GATAD1: variants seen among roughly 807,000 people sequenced by gnomAD.
The protein encoded by GATAD1 is GATA zinc finger domain-containing protein 1.
Under a neutral mutation model 26.5 loss-of-function variants are expected in GATAD1, and 12 were observed. That is an observed-to-expected ratio of 0.45 (90% CI 0.29 to 0.73). The LOEUF is 0.73. GATAD1 is among the 30% of genes least tolerant of loss of function. GATAD1 has a pLI of 0.10. For synonymous variants in GATAD1, 129 were observed against 133.1 expected (o/e 0.97, Z 0.21); for missense variants, 266 against 342.1 (o/e 0.78, Z 1.75).
Position 92,459,641 on chromosome 7 carries a change from G to T in GATAD1, c.*3079G>T, listed in dbSNP as rs1307396349. 6.6e-6 allele frequency among the ~76,000 whole-genome samples: 1 copy of T among 152,132 alleles called. No homozygotes were observed. Among genetic ancestry groups the T allele is most frequent in the Non-Finnish European group, 1.5e-5 (1 of 68,014 alleles). On this transcript the variant is annotated 3_prime_UTR_variant, in exon 5 of 5. Transcript: ENST00000287957. ...TAACACCTTCGGATTCTTTCTTTGA[G>T]AACTTTCCAGATTCCCATGCCTTTT... is the stretch of plus-strand genomic sequence containing the variant.
chr7:92,452,129 A>G lies in GATAD1; in HGVS notation c.435+1369A>G, dbSNP rs1264250560. ...TATCACATCTTCGTATTTGTGCATT[A>G]CCTTCACAGTTTACAGATTAAGGCC... On this transcript the variant is annotated intron_variant, in intron 3 of 4. Coordinates refer to ENST00000287957, the MANE Select transcript of GATAD1 (RefSeq NM_021167.5). Among the ~76,000 whole-genome samples, 4 of 152,342 alleles carry G rather than the reference A, an allele frequency of 2.6e-5. No homozygotes were observed. The East Asian group carries it at 7.7e-4, about 29-fold the overall frequency.
chr7:92,447,558 C>A lies in GATAD1; in HGVS notation c.-172C>A. 1.2e-6 allele frequency: 1 copy of A among 839,756 alleles called. No homozygotes were observed. The allele number at this position is 839,756 out of a possible 1,614,324, so 52.0% of individuals were successfully genotyped here. On this transcript the variant is annotated 5_prime_UTR_variant, in exon 1 of 5. Coordinates refer to ENST00000287957, the MANE Select transcript of GATAD1 (RefSeq NM_021167.5). ...CCTGCGGAGCCGGCGGAACCCGCTT[C>A]CCGCCTCCACGGGGCAGCGCCAGCG...
chr7:92,450,622 A>G (rs1789385550), intron 2 of GATAD1, 79 bp from the exon 3 acceptor site: 3 of 837,238 alleles, frequency 3.6e-6, no homozygotes, highest in East Asian at 5.0e-5. Flanking sequence ...CTCAAATTGC[A>G]GAACTCTCAT....
At chr7:92,453,205 C>G (rs962704814) in intron 3 of GATAD1, among the ~76,000 whole-genome samples, 2 of 152,238 alleles carry the variant, frequency 1.3e-5, no homozygotes, top group Non-Finnish European at 2.9e-5. Context: ...GGTACACATT[C>G]CTACAGCTTT....
the GATAD1 span, chr7:92,469,631 A>T: frequency 1.3e-6 from 1 of 764,540 alleles, no homozygotes; most frequent in Non-Finnish European, 2.4e-6. Flanking sequence ...CACCTGATGC[A>T]TTGGGAGTTG....
the GATAD1 span, chr7:92,487,505 A>AT: frequency 8.8e-6 from 14 of 1,594,678 alleles, no homozygotes; most frequent in South Asian, 4.5e-5. Context: ...TTCCACTTTG[A>AT]TTTTTTCTCC....
chr7:92,473,754 G>A, the GATAD1 span, among the ~76,000 whole-genome samples: 9 of 151,840 alleles, frequency 5.9e-5, no homozygotes, highest in Admixed American at 2.6e-4. Flanking sequence ...ACAGTTGTCC[G>A]GGACAGAAGA....
the GATAD1 span, among the ~76,000 whole-genome samples, chr7:92,479,505 T>C: frequency 6.6e-6 from 1 of 152,214 alleles, no homozygotes; most frequent in Admixed American, 6.5e-5. Flanking sequence ...ACTTCTTTTG[T>C]GATTCTTCAG....
chr7:92,486,585 C>G, the GATAD1 span, among the ~76,000 whole-genome samples: 1 of 152,124 alleles, frequency 6.6e-6, no homozygotes, highest in Non-Finnish European at 1.5e-5. Context: ...GGTTTAGAAC[C>G]TTGAACCTCC....
intron 4 of GATAD1, among the ~76,000 whole-genome samples, chr7:92,454,932 C>T (rs1285594618): frequency 2.0e-5 from 3 of 152,172 alleles, no homozygotes; most frequent in South Asian, 2.1e-4. Flanking sequence ...TGTGTCCTCA[C>T]ATGGCCTTTC....
intron 3 of GATAD1, chr7:92,454,252 T>C: frequency 2.4e-6 from 1 of 416,244 alleles, no homozygotes; most frequent in Non-Finnish European, 4.2e-6. Context: ...AAAATCAAAA[T>C]ACTTTATGAA....
At chr7:92,481,715 G>C in the GATAD1 span, among the ~76,000 whole-genome samples, 1 of 152,198 alleles carries the variant, frequency 6.6e-6, no homozygotes, top group African/African-American at 2.4e-5. Context: ...AAAGGATTTA[G>C]AATCTATGGG....
chr7:92,492,300 T>C, the GATAD1 span, among the ~76,000 whole-genome samples: 1 of 152,150 alleles, frequency 6.6e-6, no homozygotes. Flanking sequence ...TGTGCCACCA[T>C]GCCCAGCTAA....
the GATAD1 span, chr7:92,491,098 T>G: frequency 1.7e-6 from 1 of 583,022 alleles, no homozygotes; most frequent in South Asian, 2.0e-5. Flanking sequence ...CTTGAAAATC[T>G]TAACAAGGAA....
At chr7:92,468,356 C>G in the GATAD1 span, 1 of 170,380 alleles carries the variant, frequency 5.9e-6, no homozygotes, top group South Asian at 1.6e-4. Context: ...CAGCTCAAGC[C>G]GTAAGAAACA....
chr7:92,482,429 TG>T, the GATAD1 span, among the ~76,000 whole-genome samples: 1 of 151,982 alleles, frequency 6.6e-6, no homozygotes, highest in African/African-American at 2.4e-5. Flanking sequence ...ACAGGTAAAA[TG>T]GGGGAATTGT....
intron 4 of GATAD1, among the ~76,000 whole-genome samples, 165 bp downstream of exon 4, chr7:92,454,850 A>G (rs1424842522): frequency 2.0e-5 from 3 of 152,252 alleles, no homozygotes; most frequent in East Asian, 1.9e-4. Flanking sequence ...CTGAAGTCCA[A>G]CATCAAGGTG....
chr7:92,447,641 G>C lies in GATAD1; in HGVS notation c.-89G>C, dbSNP rs1365618845. On this transcript the variant is annotated 5_prime_UTR_variant, in exon 1 of 5. Transcript: ENST00000287957. The stretch of plus-strand genomic sequence containing the variant: ...CGCTCTCACCGCTCTTCCTATCGCC[G>C]GGAGTGGCGGGCCGACCAGGGGGCG... The C allele has an allele frequency of 5.3e-6, 7 of 1,313,096 alleles. No individual in the cohort carries two copies. Among genetic ancestry groups the C allele is most frequent in the South Asian group, 3.8e-5 (2 of 52,562 alleles). 81.3% of individuals were successfully genotyped at this position (1,313,096 alleles called of 1,614,324 possible).
In GATAD1 at chr7:92,454,831, T is replaced by A. The variant is rs140346107; in HGVS notation, c.619+146T>A. 133 of 582,774 alleles carry A rather than the reference T, an allele frequency of 2.3e-4. 1 individual carries two copies. The African/African-American group carries it at 2.5e-3, about 11-fold the overall frequency. The allele number at this position is 582,774 out of a possible 1,614,324, so 36.1% of individuals were successfully genotyped here. A position where few individuals can be genotyped will look rare whatever the true frequency, so the allele number is the denominator to read the frequency against. ...ACAACAGAAAGTCACTTTCTCACAG[T>A]TGTGGAGGCTGAAGTCCAACATCAA... is the stretch of plus-strand genomic sequence containing the variant. On this transcript the variant is annotated intron_variant, in intron 4 of 4. Coordinates refer to ENST00000287957, the MANE Select transcript of GATAD1 (RefSeq NM_021167.5).
Sources: allele counts gnomAD v4.1 joint callset (sites outside exome capture counted in the v4.1 genomes callset), GRCh38; gene constraint gnomAD v4.1.1; transcripts MANE v1.5; gene names NCBI Gene and HGNC (gene_info 2026-07-23, HGNC 2026-07-21).